MDGA2: variants seen among roughly 807,000 people sequenced by gnomAD.
MDGA2 encodes the protein MAM domain-containing glycosylphosphatidylinositol anchor protein 2.
In MDGA2, 40 loss-of-function variants were observed where a neutral mutation model predicts 117.8. That is an observed-to-expected ratio of 0.34 (90% CI 0.26 to 0.44). MDGA2 has a LOEUF of 0.44. Ranked by LOEUF, MDGA2 falls within the 20% of genes least tolerant of loss-of-function variation. The pLI, the probability that MDGA2 is intolerant of heterozygous loss-of-function variation, is 1.00. For synonymous variants in MDGA2, 452 were observed against 439.0 expected, an observed-to-expected ratio of 1.03 and a Z score of -0.37; for missense variants, 1,123 against 1,250.6, an observed-to-expected ratio of 0.90 and a Z score of 1.54.
intron 2 of MDGA2, among the ~76,000 whole-genome samples, chr14:47,290,132 C>G (rs145811208): frequency 1.1e-3 from 160 of 152,080 alleles, no homozygotes; most frequent in African/African-American, 3.6e-3. Context: ...CCCTATACTG[C>G]TATGCTCTGA....
At chr14:46,847,063 G>A (rs551038032) in intron 15 of MDGA2, among the ~76,000 whole-genome samples, 189 of 152,154 alleles carry the variant, frequency 1.2e-3, no homozygotes, top group Middle Eastern at 6.8e-3. Context: ...TGATGATTTT[G>A]AGAGAACTTA....
rs150185592 is a variant in MDGA2 at position 47,161,683 on chromosome 14, C to G, written c.596-17409G>C. Reference sequence around the variant, plus strand: ...TAAAGCAAAAATTTTAGATGCCCTTCAGGGCACACTCTGCCCCCACCCTCT... The same window carrying G: ...TAAAGCAAAAATTTTAGATGCCCTTGAGGGCACACTCTGCCCCCACCCTCT... On this transcript the variant is annotated intron_variant, in intron 3 of 16. Transcript: ENST00000399232. 6.6e-5 allele frequency among the ~76,000 whole-genome samples: 10 copies of G among 151,736 alleles called. No homozygotes were observed. In the East Asian group the frequency reaches 1.6e-3, roughly 24 times the overall value.
At chr14:47,113,413 G>A (rs1259533752) in intron 5 of MDGA2, among the ~76,000 whole-genome samples, 1 of 152,050 alleles carries the variant, frequency 6.6e-6, no homozygotes, top group Non-Finnish European at 1.5e-5. Flanking sequence ...CTCACTTTAT[G>A]AGGCCAGCAT....
At chr14:47,438,481 G>T (rs1892940376) in intron 1 of MDGA2, among the ~76,000 whole-genome samples, 1 of 152,112 alleles carries the variant, frequency 6.6e-6, no homozygotes, top group Non-Finnish European at 1.5e-5. Flanking sequence ...TAGAGCCCTA[G>T]TCATTTTTCA....
chr14:47,010,099 C>G (rs1887846118), intron 8 of MDGA2, among the ~76,000 whole-genome samples: 1 of 151,992 alleles, frequency 6.6e-6, no homozygotes, highest in Non-Finnish European at 1.5e-5. Context: ...AACATCAAGT[C>G]CCTGTGGCAT....
At chr14:47,505,324 T>C (rs1268266996) in intron 1 of MDGA2, among the ~76,000 whole-genome samples, 1 of 152,148 alleles carries the variant, frequency 6.6e-6, no homozygotes, top group Non-Finnish European at 1.5e-5. Context: ...TAAAATGTTG[T>C]ATATTACAGA....
intron 7 of MDGA2, among the ~76,000 whole-genome samples, chr14:47,041,411 A>G (rs765482284): frequency 6.6e-5 from 10 of 152,102 alleles, no homozygotes; most frequent in Non-Finnish European, 1.3e-4. Context: ...AAATGTCTAT[A>G]CCATGTAAGA....
At chr14:47,391,948 C>T (rs1480731993) in intron 1 of MDGA2, among the ~76,000 whole-genome samples, 3 of 152,088 alleles carry the variant, frequency 2.0e-5, no homozygotes, top group Non-Finnish European at 2.9e-5. Context: ...ATCACTCAAA[C>T]AAATAGAGGG....
chr14:46,986,896 G>A (rs1886879549), intron 8 of MDGA2, among the ~76,000 whole-genome samples: 1 of 152,136 alleles, frequency 6.6e-6, no homozygotes, highest in East Asian at 1.9e-4. Flanking sequence ...TGATTTTCAT[G>A]ACCATTCTGA....
In MDGA2 at chr14:47,078,759, A is replaced by G. The variant is rs960762339; in HGVS notation, c.1196-17181T>C. 4.6e-5 allele frequency among the ~76,000 whole-genome samples: 7 copies of G among 152,300 alleles called. No homozygotes were observed. The East Asian group carries it at 1.4e-3, about 29-fold the overall frequency. Reference sequence around the variant, plus strand: ...TCTACTTTCTCTACCTATAACTATTACTGAAAAATGATCCTAACAGTCCTT... The same window carrying G: ...TCTACTTTCTCTACCTATAACTATTGCTGAAAAATGATCCTAACAGTCCTT... On this transcript the variant is annotated intron_variant, in intron 6 of 16. Transcript: ENST00000399232.
chr14:46,957,977 G>C (rs1035466431), intron 8 of MDGA2, among the ~76,000 whole-genome samples: 2 of 151,684 alleles, frequency 1.3e-5, no homozygotes, highest in African/African-American at 4.8e-5. Flanking sequence ...TTGTTTGTTT[G>C]GGGTCCTTTG....
chr14:47,386,201 G>C (rs1419028624), intron 1 of MDGA2, among the ~76,000 whole-genome samples: 1 of 152,084 alleles, frequency 6.6e-6, no homozygotes, highest in Non-Finnish European at 1.5e-5. Flanking sequence ...AGAATTGTTT[G>C]AACACGGAGG....
At chr14:47,390,715 A>G (rs1490741689) in intron 1 of MDGA2, among the ~76,000 whole-genome samples, 1 of 152,136 alleles carries the variant, frequency 6.6e-6, no homozygotes, top group African/African-American at 2.4e-5. Flanking sequence ...ATGCTTATTC[A>G]ATAATTAAAC....
intron 1 of MDGA2, among the ~76,000 whole-genome samples, chr14:47,469,174 T>G (rs4898571): frequency 6.6e-6 from 1 of 151,754 alleles, no homozygotes; most frequent in East Asian, 1.9e-4. Context: ...TTTTTATTAT[T>G]CTTTAAGTTT....
chr14:46,864,641 G>A lies in MDGA2; in HGVS notation c.2752+8792C>T, dbSNP rs147901304. On this transcript the variant is annotated intron_variant, in intron 14 of 16. Coordinates refer to ENST00000399232, the MANE Select transcript of MDGA2 (RefSeq NM_001113498.3). ...AAAAAAAGCAGTTTACTGAATGAATGTCTTCCATCTATAGCATTATTTTCA... is the reference window on the plus strand; with the variant it reads ...AAAAAAAGCAGTTTACTGAATGAATATCTTCCATCTATAGCATTATTTTCA... Among the ~76,000 whole-genome samples, 461 of 127,818 alleles carry A rather than the reference G, an allele frequency of 3.6e-3. 5 individuals carry two copies. Among genetic ancestry groups the A allele is most frequent in the African/African-American group, 0.013 (443 of 34,064 alleles). The allele number at this position is 127,818 out of a possible 152,430, so 83.9% of individuals were successfully genotyped here. A position where few individuals can be genotyped will look rare whatever the true frequency, so the allele number is the denominator to read the frequency against.
At chr14:47,154,418 T>A (rs1310573258) in intron 3 of MDGA2, among the ~76,000 whole-genome samples, 1 of 152,082 alleles carries the variant, frequency 6.6e-6, no homozygotes, top group Non-Finnish European at 1.5e-5. Context: ...CCCTTCCAAG[T>A]TGGTGGGGTG....
At chr14:47,026,133 A>G (rs1888465232) in intron 8 of MDGA2, among the ~76,000 whole-genome samples, 1 of 152,216 alleles carries the variant, frequency 6.6e-6, no homozygotes, top group Non-Finnish European at 1.5e-5. Flanking sequence ...TTAAAATATG[A>G]TATTACATCA....
At chr14:46,948,243 T>C (rs1466318987) in intron 9 of MDGA2, among the ~76,000 whole-genome samples, 2 of 152,074 alleles carry the variant, frequency 1.3e-5, no homozygotes, top group Non-Finnish European at 1.5e-5. Context: ...GAATAGATTA[T>C]TCCATTTGTC....
intron 2 of MDGA2, among the ~76,000 whole-genome samples, chr14:47,281,877 T>C (rs1888502670): frequency 6.6e-6 from 1 of 151,792 alleles, no homozygotes; most frequent in African/African-American, 2.4e-5. Context: ...GCCAACATGG[T>C]GAAACTCCAT....
Sources: allele counts gnomAD v4.1 joint callset (sites outside exome capture counted in the v4.1 genomes callset), GRCh38; gene constraint gnomAD v4.1.1; transcripts MANE v1.5; gene names NCBI Gene and HGNC (gene_info 2026-07-23, HGNC 2026-07-21).